The following PHC2 variants were observed in gnomAD, a reference collection of about 807,000 sequenced individuals.
PHC2 encodes polyhomeotic homolog 2.
PHC2 carries 29 observed loss-of-function variants against 87.4 expected under a neutral mutation model. The observed-to-expected ratio is 0.33, with a 90% CI of 0.25 to 0.45. The LOEUF (loss-of-function observed/expected upper bound fraction) is 0.45, where lower values mean the gene tolerates loss of function less well. Ranked by LOEUF, PHC2 falls within the 20% of genes least tolerant of loss-of-function variation. PHC2 has a pLI of 1.00. For missense variants in PHC2, 857 were observed against 1,136.7 expected (o/e 0.75, Z 3.54); for synonymous variants, 438 against 461.7 (o/e 0.95, Z 0.66).
intron 1 of PHC2, among the ~76,000 whole-genome samples, chr1:33,408,547 G>A (rs965624026): frequency 2.6e-5 from 4 of 152,042 alleles, no homozygotes; most frequent in Admixed American, 6.6e-5. Flanking sequence ...TGCAACCTCC[G>A]CCTCCCAGAT....
chr1:33,430,586 G>A (rs1045205516), intron 1 of PHC2, among the ~76,000 whole-genome samples: 1 of 152,076 alleles, frequency 6.6e-6, no homozygotes, highest in African/African-American at 2.4e-5. Context: ...GAGGGGGGTC[G>A]GTCCCCGGAG....
At chr1:33,402,556 A>G (rs1649581322) in intron 1 of PHC2, among the ~76,000 whole-genome samples, 1 of 152,212 alleles carries the variant, frequency 6.6e-6, no homozygotes, top group South Asian at 2.1e-4. Context: ...CCAAATACCA[A>G]TCAAAAGCAG....
intron 7 of PHC2, chr1:33,359,096 G>C (rs985308902): frequency 6.6e-6 from 1 of 152,178 alleles, no homozygotes; most frequent in African/African-American, 2.4e-5. Context: ...ACCTATCTCA[G>C]AGTTATTTCA....
chr1:33,425,169 G>A (rs1244252902), intron 1 of PHC2, among the ~76,000 whole-genome samples: 1 of 152,118 alleles, frequency 6.6e-6, no homozygotes, highest in Non-Finnish European at 1.5e-5. Context: ...TTTCCTATAA[G>A]GGCCAGAATT....
intron 14 of PHC2, among the ~76,000 whole-genome samples, chr1:33,327,558 C>T (rs751721928): frequency 3.9e-5 from 6 of 152,138 alleles, no homozygotes; most frequent in Non-Finnish European, 7.3e-5. Context: ...CTGTGTGACC[C>T]ATAAGATATT....
chr1:33,399,056 A>C (rs1649408596), intron 1 of PHC2, among the ~76,000 whole-genome samples: 1 of 152,198 alleles, frequency 6.6e-6, no homozygotes, highest in African/African-American at 2.4e-5. Flanking sequence ...GAAAAATTCT[A>C]CTACAGATGT....
intron 9 of PHC2, among the ~76,000 whole-genome samples, chr1:33,343,978 A>G (rs975166185): frequency 6.6e-6 from 1 of 152,238 alleles, no homozygotes; most frequent in African/African-American, 2.4e-5. Context: ...GACAAGCACC[A>G]GATTCTCTTT....
chr1:33,370,307 C>T lies in PHC2; in HGVS notation c.576+114G>A. The T allele has an allele frequency of 3.1e-6, 3 of 972,132 alleles. No individual in the cohort carries two copies. The South Asian group carries it at 4.8e-5, about 16-fold the overall frequency. 60.2% of individuals were successfully genotyped at this position (972,132 alleles called of 1,614,324 possible). On this transcript the variant is annotated intron_variant, in intron 5 of 14. Coordinates refer to ENST00000683057, the MANE Select transcript of PHC2 (RefSeq NM_001385109.1). ...CCCTTCTTTATCCCACCCCTTATCT[C>T]CTGCCCCTGCCCCTAGTGCTTCCTC...
chr1:33,338,809 C>G (rs1191828220), intron 9 of PHC2, among the ~76,000 whole-genome samples: 1 of 152,064 alleles, frequency 6.6e-6, no homozygotes, highest in East Asian at 1.9e-4. Flanking sequence ...CACCTGAAAC[C>G]GAAAGGTGGA....
Position 33,335,841 on chromosome 1 carries a change from A to T in PHC2, c.1559-1549T>A, listed in dbSNP as rs372326844. ...CTTGAACCCAGGGGGTGGAGGCTGC[A>T]GTGAGCTGAGATCTCGCCACCCCCC... is the stretch of plus-strand genomic sequence containing the variant. On this transcript the variant is annotated intron_variant, in intron 9 of 14. Transcript: ENST00000683057. Among the ~76,000 whole-genome samples, 55 of 143,774 alleles carry T rather than the reference A, an allele frequency of 3.8e-4. No individual in the cohort carries two copies. The South Asian group carries it at 0.014, about 36-fold the overall frequency. The allele number at this position is 143,774 out of a possible 152,430, so 94.3% of individuals were successfully genotyped here. A position where few individuals can be genotyped will look rare whatever the true frequency, so the allele number is the denominator to read the frequency against.
intron 9 of PHC2, among the ~76,000 whole-genome samples, chr1:33,339,839 C>T (rs1646709847): frequency 6.6e-6 from 1 of 152,228 alleles, no homozygotes; most frequent in African/African-American, 2.4e-5. Flanking sequence ...TTGCATTATA[C>T]TTACTGGTTG....
chr1:33,355,136 T>G lies in PHC2; in HGVS notation c.1094A>C (p.Gln365Pro). 6.2e-7 allele frequency: 1 copy of G among 1,611,556 alleles called. No homozygotes were observed. Among genetic ancestry groups the G allele is most frequent in the Non-Finnish European group, 8.5e-7 (1 of 1,178,998 alleles). ...CTCAGCTTGGAGCACAGGCCGTGAC[T>G]GCTGGGGCGGCGGCTGCTGCTGTTG... ...QPQQQQPPPQ[Q>P]SRPVLQAEPH... is the part of the protein sequence containing the mutation. Residue 365 changes from glutamine to proline, a missense_variant, in exon 8 of 15, where the codon CAG (glutamine) becomes CCG (proline). This residue lies in a region of PHC2 where 832 missense variants were observed against 1,081.8 expected (regional missense o/e 0.77). Coordinates refer to ENST00000683057, the MANE Select transcript of PHC2 (RefSeq NM_001385109.1).
At chr1:33,390,567 A>G (rs1218958918) in intron 1 of PHC2, among the ~76,000 whole-genome samples, 1 of 152,180 alleles carries the variant, frequency 6.6e-6, no homozygotes, top group Non-Finnish European at 1.5e-5. Flanking sequence ...TTGAACAATT[A>G]CTATATGTTT....
At chr1:33,390,507 C>A (rs1648994812) in intron 1 of PHC2, among the ~76,000 whole-genome samples, 3 of 152,178 alleles carry the variant, frequency 2.0e-5, no homozygotes, top group Admixed American at 1.3e-4. Flanking sequence ...TGGATTCCCA[C>A]AACACTTGTC....
rs1461653334 is a variant in PHC2, at chr1:33,370,283, C to T, written c.576+138G>A. 6.5e-6 allele frequency: 5 copies of T among 766,182 alleles called. No individual in the cohort carries two copies. In the African/African-American group the frequency reaches 8.7e-5, roughly 13 times the overall value. 47.5% of individuals were successfully genotyped at this position (766,182 alleles called of 1,614,324 possible). ...AGCTCCCACTCAGCCTTCCAGGCCCCCTTCTTTATCCCACCCCTTATCTCC... is the reference window on the plus strand; with the variant it reads ...AGCTCCCACTCAGCCTTCCAGGCCCTCTTCTTTATCCCACCCCTTATCTCC... On this transcript the variant is annotated intron_variant, in intron 5 of 14. Transcript: ENST00000683057.
At chr1:33,357,697 C>T (rs564141683) in intron 7 of PHC2, among the ~76,000 whole-genome samples, 1 of 152,146 alleles carries the variant, frequency 6.6e-6, no homozygotes, top group African/African-American at 2.4e-5. Context: ...TTGAATAGGT[C>T]GGAATTTAAC....
intron 7 of PHC2, among the ~76,000 whole-genome samples, chr1:33,358,104 GTGGCT>G (rs781583105): frequency 6.6e-6 from 1 of 152,192 alleles, no homozygotes; most frequent in Non-Finnish European, 1.5e-5. Context: ...ATTTGATGGA[GTGGCT>G]ATAGCAGAAA....
rs1356344715 is a variant in PHC2 at position 33,332,189 on chromosome 1, C to T, written c.1891+86G>A. On this transcript the variant is annotated intron_variant, in intron 11 of 14. Transcript: ENST00000683057. This position sits in a 1 kb window ranked among gnomAD's most constrained non-coding sequence, Gnocchi z 4.2. ...ACAGACTCGCTGGCTCAGGGTTCCT[C>T]TGGGGAAACAGAGAGAGGAAGTGTG... 2.6e-6 allele frequency: 4 copies of T among 1,517,432 alleles called. No homozygotes were observed. The highest frequency in any genetic ancestry group is 3.6e-6 in the Non-Finnish European group (4 of 1,098,268). 94.0% of individuals were successfully genotyped at this position (1,517,432 alleles called of 1,614,324 possible).
At chr1:33,354,285 C>T in intron 9 of PHC2, 116 bp downstream of exon 9, 2 of 949,210 alleles carry the variant, frequency 2.1e-6, no homozygotes, top group Non-Finnish European at 3.2e-6. Context: ...AACCCCCCAG[C>T]TTCCTTGCTT....
Sources: gnomAD v4.1 joint callset for allele counts (sites outside exome capture counted in the v4.1 genomes callset) on GRCh38, gnomAD v4.1.1 for gene constraint, gnomAD v4.1.1 regional missense constraint, Gnocchi (gnomAD v3.1) non-coding constraint, MANE v1.5 for transcripts, NCBI Gene and HGNC (gene_info 2026-07-23, HGNC 2026-07-21) for gene names.